The following WDR41 variants were observed in gnomAD, a reference collection of about 807,000 sequenced individuals.
WDR41 encodes the protein WD repeat domain 41.
WDR41 carries 63 observed loss-of-function variants against 69.3 expected under a neutral mutation model. The ratio of observed to expected loss-of-function variants is 0.91; its 90% CI spans 0.74 to 1.12. The LOEUF (loss-of-function observed/expected upper bound fraction) is 1.12, where lower values mean the gene tolerates loss of function less well. WDR41 is among the 50% of genes most tolerant of loss of function. WDR41 has a pLI of 0.00. For missense variants in WDR41, 543 were observed against 534.5 expected, an observed-to-expected ratio of 1.02 and a Z score of -0.16; for synonymous variants, 185 against 192.1, an observed-to-expected ratio of 0.96 and a Z score of 0.31.
At chr5:77,599,197 C>CTTTTTTTTT (rs34759217) in intron 1 of WDR41, among the ~76,000 whole-genome samples, 15 of 76,206 alleles carry the variant, frequency 2.0e-4, no homozygotes, top group Non-Finnish European at 2.4e-4. Flanking sequence ...ATCGGAAGCT[C>CTTTTTTTTT]TTTTTTTTTT....
chr5:77,491,936 C>G (rs1430664959), intron 1 of WDR41: 5 of 525,562 alleles, frequency 9.5e-6, no homozygotes, highest in Middle Eastern at 4.9e-4. Flanking sequence ...AGCCGTGGGA[C>G]GGGGCCGGGG....
chr5:77,527,202 G>A (rs778437153), intron 1 of WDR41, among the ~76,000 whole-genome samples: 1 of 151,780 alleles, frequency 6.6e-6, no homozygotes, highest in Non-Finnish European at 1.5e-5. Flanking sequence ...AACATAGACT[G>A]TCAGGCCAGA....
intron 1 of WDR41, among the ~76,000 whole-genome samples, chr5:77,501,125 G>A (rs1243341000): frequency 6.6e-6 from 1 of 152,232 alleles, no homozygotes; most frequent in African/African-American, 2.4e-5. Context: ...TCCTAGCCAA[G>A]GGAAGCCGTG....
intron 2 of WDR41, among the ~76,000 whole-genome samples, chr5:77,474,308 A>G (rs1360601630): frequency 2.6e-5 from 4 of 152,038 alleles, no homozygotes; most frequent in African/African-American, 9.7e-5. Flanking sequence ...GTGGGGAGGG[A>G]TAGCATTTGG....
intron 1 of WDR41, among the ~76,000 whole-genome samples, chr5:77,546,726 C>T (rs1743206967): frequency 6.6e-6 from 1 of 152,094 alleles, no homozygotes; most frequent in Non-Finnish European, 1.5e-5. Flanking sequence ...CCTATTGACA[C>T]TATTCCACAA....
intron 2 of WDR41, among the ~76,000 whole-genome samples, chr5:77,468,604 G>A (rs369503221): frequency 1.3e-5 from 2 of 152,166 alleles, no homozygotes; most frequent in South Asian, 4.1e-4. Context: ...CTAAGTGAAG[G>A]TCCCAAAAAT....
At chr5:77,501,682 A>T (rs1223140195) in intron 1 of WDR41, among the ~76,000 whole-genome samples, 1 of 152,120 alleles carries the variant, frequency 6.6e-6, no homozygotes, top group Non-Finnish European at 1.5e-5. Context: ...CTTCCAGAGG[A>T]AGGATCAGGC....
At chr5:77,460,939 A>G (rs1462151780) in intron 4 of WDR41, among the ~76,000 whole-genome samples, 1 of 152,168 alleles carries the variant, frequency 6.6e-6, no homozygotes, top group Non-Finnish European at 1.5e-5. Flanking sequence ...CATTTGGGTA[A>G]GAGAGACTGC....
intron 2 of WDR41, among the ~76,000 whole-genome samples, 172 bp downstream of exon 2, chr5:77,489,285 G>GAT: frequency 6.6e-6 from 1 of 152,172 alleles, no homozygotes; most frequent in South Asian, 2.1e-4. Flanking sequence ...AAAGACTCTA[G>GAT]ATACATATTT....
At chr5:77,551,001 T>G (rs1743285169) in intron 1 of WDR41, among the ~76,000 whole-genome samples, 2 of 152,064 alleles carry the variant, frequency 1.3e-5, no homozygotes, top group South Asian at 2.1e-4. Flanking sequence ...AGCTAAGCAT[T>G]GGGTAAACAT....
At chr5:77,441,877 G>GA (rs35061647) in intron 8 of WDR41, among the ~76,000 whole-genome samples, 76,678 of 150,568 alleles carry the variant, frequency 0.51, 19,920 homozygotes, top group African/African-American at 0.61. Context: ...AAATACAGCA[G>GA]AAAAAAAAAT....
chr5:77,501,616 C>T (rs1006554287), intron 1 of WDR41, among the ~76,000 whole-genome samples: 1 of 152,150 alleles, frequency 6.6e-6, no homozygotes, highest in Non-Finnish European at 1.5e-5. Flanking sequence ...TGGGAGACAC[C>T]TCCCAGTAGG....
intron 1 of WDR41, among the ~76,000 whole-genome samples, chr5:77,510,766 A>ATTTT (rs58752727): frequency 1.0e-4 from 10 of 99,608 alleles, no homozygotes; most frequent in East Asian, 6.0e-4. Flanking sequence ...TCCAAATTCA[A>ATTTT]TTTTTTTTTT....
chr5:77,438,738 C>A (rs1799041920), intron 9 of WDR41, among the ~76,000 whole-genome samples: 1 of 152,086 alleles, frequency 6.6e-6, no homozygotes, highest in African/African-American at 2.4e-5. Context: ...GGAAAATTAC[C>A]TAGCTTCTTC....
intron 1 of WDR41, among the ~76,000 whole-genome samples, chr5:77,608,718 C>A (rs891863422): frequency 2.0e-5 from 3 of 152,212 alleles, no homozygotes; most frequent in African/African-American, 7.2e-5. Context: ...CAGCTCCCAG[C>A]GTGAGTGACG....
chr5:77,460,476 A>G (rs1800006130), intron 4 of WDR41, among the ~76,000 whole-genome samples: 1 of 152,322 alleles, frequency 6.6e-6, no homozygotes. Flanking sequence ...TTTAATATTC[A>G]GTAACCTGAG....
At chr5:77,610,318 T>C (rs908603080) in intron 1 of WDR41, among the ~76,000 whole-genome samples, 2 of 151,868 alleles carry the variant, frequency 1.3e-5, no homozygotes, top group Non-Finnish European at 2.9e-5. Context: ...CACAAAGATA[T>C]TCCTCAAGAA....
upstream of WDR41, among the ~76,000 whole-genome samples, chr5:77,496,770 T>C (rs1801941415): frequency 6.6e-6 from 1 of 152,064 alleles, no homozygotes; most frequent in Non-Finnish European, 1.5e-5. Flanking sequence ...TCCTCAAATT[T>C]ATATGGAATT....
intron 1 of WDR41, among the ~76,000 whole-genome samples, chr5:77,578,230 AAAC>A (rs1164992062): frequency 6.6e-6 from 1 of 152,214 alleles, no homozygotes; most frequent in African/African-American, 2.4e-5. Flanking sequence ...GATTTGGAGA[AAAC>A]AATAGAGACA....
Sources: allele counts gnomAD v4.1 joint callset (sites outside exome capture counted in the v4.1 genomes callset), GRCh38; gene constraint gnomAD v4.1.1; transcripts MANE v1.5; gene names NCBI Gene and HGNC (gene_info 2026-07-23, HGNC 2026-07-21).